Variants in MARCHF1 observed in about 807,000 individuals in gnomAD.
MARCHF1 encodes the protein E3 ubiquitin-protein ligase MARCHF1.
In MARCHF1, 40 loss-of-function variants were observed where a neutral mutation model predicts 54.2. The ratio of observed to expected loss-of-function variants is 0.74; its 90% CI spans 0.57 to 0.96. The LOEUF (loss-of-function observed/expected upper bound fraction) is 0.96, where lower values mean the gene tolerates loss of function less well. MARCHF1 is among the 40% of genes least tolerant of loss of function. MARCHF1 has a pLI of 0.00. For synonymous variants in MARCHF1, 236 were observed against 236.3 expected, an observed-to-expected ratio of 1.00 and a Z score of 0.01; for missense variants, 586 against 656.5, an observed-to-expected ratio of 0.89 and a Z score of 1.17.
chr4:163,938,729 C>T (rs184318435), intron 3 of MARCHF1, among the ~76,000 whole-genome samples: 1 of 152,228 alleles, frequency 6.6e-6, no homozygotes, highest in Non-Finnish European at 1.5e-5. Context: ...CTGGGGAGGC[C>T]TCAGGAAACT....
intron 3 of MARCHF1, among the ~76,000 whole-genome samples, chr4:163,936,427 G>A (rs187414418): frequency 6.6e-6 from 1 of 152,286 alleles, no homozygotes; most frequent in East Asian, 1.9e-4. Context: ...AAAATGAGGT[G>A]TGCCTGTATA....
intron 1 of MARCHF1, among the ~76,000 whole-genome samples, chr4:164,123,379 T>A (rs1756112062): frequency 6.6e-6 from 1 of 152,120 alleles, no homozygotes; most frequent in African/African-American, 2.4e-5. Context: ...ATACCCATAC[T>A]ACCGAAAGCA....
At chr4:164,319,577 A>T (rs1735084072) in intron 1 of MARCHF1, among the ~76,000 whole-genome samples, 1 of 152,192 alleles carries the variant, frequency 6.6e-6, no homozygotes, top group South Asian at 2.1e-4. Flanking sequence ...AGGTCTTTAA[A>T]ATTATCATTG....
chr4:163,948,482 TA>T (rs1288605934), intron 3 of MARCHF1, among the ~76,000 whole-genome samples: 1 of 152,146 alleles, frequency 6.6e-6, no homozygotes, highest in African/African-American at 2.4e-5. Context: ...AGAAGCAGGT[TA>T]AAAAAAGTAG....
intron 4 of MARCHF1, among the ~76,000 whole-genome samples, chr4:163,738,485 C>T (rs1284127707): frequency 6.6e-6 from 1 of 152,166 alleles, no homozygotes; most frequent in African/African-American, 2.4e-5. Context: ...ATGTGAGAGC[C>T]TACATTTTTA....
intron 4 of MARCHF1, among the ~76,000 whole-genome samples, chr4:163,730,829 T>C (rs931287456): frequency 5.3e-5 from 8 of 152,162 alleles, no homozygotes; most frequent in Non-Finnish European, 4.4e-5. Context: ...TTCAGTGAGT[T>C]CTTAGCATCA....
intron 4 of MARCHF1, among the ~76,000 whole-genome samples, chr4:163,793,574 G>A (rs750831525): frequency 6.6e-6 from 1 of 152,056 alleles, no homozygotes; most frequent in Non-Finnish European, 1.5e-5. Context: ...ATTGTCTTAT[G>A]CCCAATTTCT....
At chr4:164,367,088 C>T (rs938719633) in intron 1 of MARCHF1, among the ~76,000 whole-genome samples, 10 of 151,932 alleles carry the variant, frequency 6.6e-5, no homozygotes, top group South Asian at 2.1e-4. Context: ...GCCCAAGCAC[C>T]GGAGAGAGGG....
intron 1 of MARCHF1, among the ~76,000 whole-genome samples, chr4:164,132,542 T>A (rs1406759684): frequency 6.6e-6 from 1 of 152,152 alleles, no homozygotes; most frequent in Non-Finnish European, 1.5e-5. Flanking sequence ...ATAAATGCAG[T>A]TATTTAGTTA....
At chr4:164,241,859 G>A (rs1376720730) in intron 1 of MARCHF1, among the ~76,000 whole-genome samples, 2 of 152,180 alleles carry the variant, frequency 1.3e-5, no homozygotes, top group African/African-American at 4.8e-5. Context: ...CCAAAGAAAG[G>A]GGTGACGGAT....
chr4:164,128,354 C>T (rs894425525), intron 1 of MARCHF1, among the ~76,000 whole-genome samples: 3 of 151,482 alleles, frequency 2.0e-5, no homozygotes, highest in African/African-American at 7.3e-5. Flanking sequence ...ATTCAACATG[C>T]AAATTCAAAA....
intron 4 of MARCHF1, among the ~76,000 whole-genome samples, chr4:163,797,749 G>T (rs1324245276): frequency 6.6e-6 from 1 of 151,848 alleles, no homozygotes; most frequent in Non-Finnish European, 1.5e-5. Context: ...TGGTCTTTTA[G>T]AAAATCCATT....
At chr4:163,897,500 T>C (rs1750836615) in intron 3 of MARCHF1, among the ~76,000 whole-genome samples, 2 of 152,078 alleles carry the variant, frequency 1.3e-5, no homozygotes, top group South Asian at 2.1e-4. Context: ...TAAAACAGCA[T>C]GGTACAGGTA....
chr4:164,110,858 T>C (rs1335309502), intron 2 of MARCHF1, among the ~76,000 whole-genome samples: 1 of 151,754 alleles, frequency 6.6e-6, no homozygotes, highest in East Asian at 1.9e-4. Flanking sequence ...GAGGGGAAAA[T>C]CCATTTGCTT....
intron 2 of MARCHF1, among the ~76,000 whole-genome samples, chr4:164,005,000 T>C (rs1167491282): frequency 6.6e-6 from 1 of 151,748 alleles, no homozygotes; most frequent in Non-Finnish European, 1.5e-5. Flanking sequence ...ATAGAGGGTA[T>C]TGGTAAACTG....
intron 1 of MARCHF1, among the ~76,000 whole-genome samples, chr4:164,135,680 G>A (rs1472622530): frequency 6.6e-6 from 1 of 152,186 alleles, no homozygotes; most frequent in Non-Finnish European, 1.5e-5. Context: ...TTCAAGATGA[G>A]AATTGGCTGG....
At chr4:164,056,289 G>T (rs751084402) in intron 2 of MARCHF1, among the ~76,000 whole-genome samples, 10 of 152,114 alleles carry the variant, frequency 6.6e-5, no homozygotes, top group Non-Finnish European at 1.2e-4. Flanking sequence ...TATCCTCAGG[G>T]GTCATTCCTT....
chr4:164,329,351 A>G (rs1735365774), intron 1 of MARCHF1, among the ~76,000 whole-genome samples: 1 of 152,214 alleles, frequency 6.6e-6, no homozygotes, highest in Non-Finnish European at 1.5e-5. Flanking sequence ...TGTGCTCCAC[A>G]TTTCACCAGC....
intron 5 of MARCHF1, among the ~76,000 whole-genome samples, chr4:163,620,876 T>C (rs1196723263): frequency 6.6e-6 from 1 of 152,168 alleles, no homozygotes; most frequent in Non-Finnish European, 1.5e-5. Context: ...TTTCGTAATG[T>C]TTAAAATCTC....
Sources: gnomAD v4.1 joint callset for allele counts (sites outside exome capture counted in the v4.1 genomes callset) on GRCh38, gnomAD v4.1.1 for gene constraint, MANE v1.5 for transcripts, NCBI Gene and HGNC (gene_info 2026-07-23, HGNC 2026-07-21) for gene names.